Variants in NPAS3 observed in about 807,000 individuals in gnomAD.
NPAS3 encodes the protein neuronal PAS domain-containing protein 3.
In NPAS3, 14 loss-of-function variants were observed where a neutral mutation model predicts 73.1. The observed-to-expected ratio is 0.19, with a 90% CI of 0.13 to 0.30. NPAS3 has a LOEUF of 0.30. NPAS3 is among the 10% of genes least tolerant of loss of function. The probability of loss-of-function intolerance (pLI) is 1.00; values close to 1 mark genes in which losing one functional copy is unlikely to be tolerated. For missense variants in NPAS3, 1,096 were observed against 1,250.0 expected (o/e 0.88, Z 1.86); for synonymous variants, 620 against 541.5 (o/e 1.14, Z -2.01).
chr14:33,343,629 G>A (rs2044593684), intron 3 of NPAS3, among the ~76,000 whole-genome samples: 1 of 152,204 alleles, frequency 6.6e-6, no homozygotes, highest in African/African-American at 2.4e-5. Context: ...TATTTAAAAT[G>A]TTCCAGTAAT....
At chr14:33,361,143 G>A (rs181452367) in intron 3 of NPAS3, among the ~76,000 whole-genome samples, 1 of 152,238 alleles carries the variant, frequency 6.6e-6, no homozygotes, top group East Asian at 1.9e-4. Context: ...ATCTGCCTAG[G>A]GATTCTCATT....
chr14:32,981,316 G>C (rs926881991), intron 1 of NPAS3, among the ~76,000 whole-genome samples: 1 of 152,158 alleles, frequency 6.6e-6, no homozygotes, highest in Non-Finnish European at 1.5e-5. Context: ...TTCATATTTT[G>C]CATTTGCAAA....
At chr14:33,538,059 T>C (rs577060570) in intron 4 of NPAS3, among the ~76,000 whole-genome samples, 71 of 151,660 alleles carry the variant, frequency 4.7e-4, no homozygotes, top group African/African-American at 1.6e-3. Context: ...CCACTTTACA[T>C]TGGAACACGA....
chr14:33,119,702 G>T (rs1031901989), intron 2 of NPAS3, among the ~76,000 whole-genome samples: 1 of 152,074 alleles, frequency 6.6e-6, no homozygotes, highest in Non-Finnish European at 1.5e-5. Context: ...TCCAGGTAAA[G>T]TTGCTCCCTT....
intron 8 of NPAS3, among the ~76,000 whole-genome samples, chr14:33,775,334 G>T (rs763923472): frequency 6.6e-6 from 1 of 152,130 alleles, no homozygotes; most frequent in Admixed American, 6.5e-5. Flanking sequence ...CCTTCCCCGG[G>T]TGCCACAGGG....
At chr14:33,700,119 A>G (rs867466181) in intron 6 of NPAS3, among the ~76,000 whole-genome samples, 8 of 152,148 alleles carry the variant, frequency 5.3e-5, no homozygotes, top group African/African-American at 1.4e-4. Context: ...TAGTCTTTGT[A>G]GGATGGCTGC....
At chr14:33,591,013 T>C (rs1418106445) in intron 5 of NPAS3, among the ~76,000 whole-genome samples, 1 of 152,166 alleles carries the variant, frequency 6.6e-6, no homozygotes, top group African/African-American at 2.4e-5. Context: ...TGGGCAGAAC[T>C]CCTACCCTGA....
At position 33,173,510 on chromosome 14, in the gene NPAS3, A is replaced by G. The variant is rs149737128; in HGVS notation, c.141-41672A>G. On this transcript the variant is annotated intron_variant, in intron 2 of 11. Coordinates refer to ENST00000356141, the Ensembl canonical transcript of NPAS3. ...ATGGTATATTGTTTATTTTTTAAAA[A>G]AAACTACAAAAACTTTCTGTTTATG... 2.3e-4 allele frequency among the ~76,000 whole-genome samples: 35 copies of G among 152,336 alleles called. No individual in the cohort carries two copies. In the East Asian group the frequency reaches 6.7e-3, roughly 29 times the overall value.
chr14:33,759,156 T>A (rs1595563914), intron 7 of NPAS3, among the ~76,000 whole-genome samples: 1 of 152,346 alleles, frequency 6.6e-6, no homozygotes, highest in South Asian at 2.1e-4. Context: ...TTATAATTTC[T>A]TATAAATAAA....
intron 6 of NPAS3, among the ~76,000 whole-genome samples, chr14:33,686,385 C>T (rs1396937270): frequency 1.3e-5 from 2 of 152,152 alleles, no homozygotes; most frequent in African/African-American, 4.8e-5. Context: ...TTGAAGAGAG[C>T]AGTGACCTAA....
chr14:33,093,974 T>TGCGGGCAA (rs2042318143), intron 2 of NPAS3, among the ~76,000 whole-genome samples: 1 of 147,770 alleles, frequency 6.8e-6, no homozygotes, highest in African/African-American at 2.5e-5. Flanking sequence ...TGTTGTGGGG[T>TGCGGGCAA]GGGGGAAGGG....
chr14:32,976,487 A>T (rs1595134631), intron 1 of NPAS3, among the ~76,000 whole-genome samples: 1 of 152,322 alleles, frequency 6.6e-6, no homozygotes. Context: ...TACTTTAGAA[A>T]TGGAGTGGTA....
At chr14:33,719,600 T>C (rs2061049257) in intron 6 of NPAS3, among the ~76,000 whole-genome samples, 1 of 152,088 alleles carries the variant, frequency 6.6e-6, no homozygotes. Flanking sequence ...TATCCACACA[T>C]TTAAAGAGAA....
chr14:33,422,018 T>C (rs906738758), intron 4 of NPAS3, among the ~76,000 whole-genome samples: 1 of 151,952 alleles, frequency 6.6e-6, no homozygotes, highest in East Asian at 1.9e-4. Flanking sequence ...CTAATGCCAC[T>C]GTTGGGACCT....
At chr14:32,968,287 AC>A (rs575807428) in intron 1 of NPAS3, among the ~76,000 whole-genome samples, 245 of 152,322 alleles carry the variant, frequency 1.6e-3, no homozygotes, top group African/African-American at 5.4e-3. Flanking sequence ...TATGCTAATT[AC>A]CCTGACTTTA....
At chr14:33,450,716 T>C (rs2049752894) in intron 4 of NPAS3, among the ~76,000 whole-genome samples, 1 of 152,200 alleles carries the variant, frequency 6.6e-6, no homozygotes, top group Admixed American at 6.5e-5. Flanking sequence ...TCTGTGTGAA[T>C]TGGAGAGAGA....
intron 8 of NPAS3, among the ~76,000 whole-genome samples, chr14:33,777,580 A>G (rs529224802): frequency 6.6e-6 from 1 of 152,210 alleles, no homozygotes; most frequent in Non-Finnish European, 1.5e-5. Context: ...AAACACATGA[A>G]GAGTAAAGAG....
At chr14:33,087,734 C>T (rs1449697694) in intron 2 of NPAS3, among the ~76,000 whole-genome samples, 1 of 152,094 alleles carries the variant, frequency 6.6e-6, no homozygotes, top group Non-Finnish European at 1.5e-5. Context: ...AAGGGCATCT[C>T]ATTGAATAGA....
chr14:33,584,469 T>C (rs1322838603), intron 5 of NPAS3, among the ~76,000 whole-genome samples: 1 of 151,232 alleles, frequency 6.6e-6, no homozygotes, highest in Admixed American at 6.6e-5. Context: ...CATTTAAAAA[T>C]TTCCAGAGTC....
Sources: gnomAD v4.1 joint callset for allele counts (sites outside exome capture counted in the v4.1 genomes callset) on GRCh38, gnomAD v4.1.1 for gene constraint, MANE v1.5 for transcripts, NCBI Gene and HGNC (gene_info 2026-07-23, HGNC 2026-07-21) for gene names.